STAT3: variants seen among roughly 807,000 people sequenced by gnomAD.
The protein encoded by STAT3 is signal transducer and activator of transcription 3, also known as DNA-binding protein APRF.
A neutral mutation model predicts 114.3 loss-of-function variants in STAT3; 7 were observed. The observed-to-expected ratio is 0.06, with a 90% CI of 0.03 to 0.11. The LOEUF is 0.11. Ranked by LOEUF, STAT3 falls within the 10% of genes least tolerant of loss-of-function variation. STAT3 has a pLI of 1.00. For synonymous variants in STAT3, 331 were observed against 354.5 expected, an observed-to-expected ratio of 0.93 and a Z score of 0.74; for missense variants, 364 against 960.9, an observed-to-expected ratio of 0.38 and a Z score of 8.21.
intron 4 of STAT3, among the ~76,000 whole-genome samples, chr17:42,340,543 A>G (rs4265875): frequency 0.074 from 11,241 of 151,688 alleles, 1,410 homozygotes; most frequent in African/African-American, 0.26. Flanking sequence ...CTAGCTGGGC[A>G]TGGTGGCATA....
chr17:42,331,239 G>T (rs2081997796), intron 11 of STAT3, among the ~76,000 whole-genome samples: 1 of 152,110 alleles, frequency 6.6e-6, no homozygotes, highest in African/African-American at 2.4e-5. Flanking sequence ...AACTAAACAA[G>T]GAAAAGAGGG....
At chr17:42,344,867 G>T (rs1280460448) in intron 4 of STAT3, among the ~76,000 whole-genome samples, 2 of 151,590 alleles carry the variant, frequency 1.3e-5, no homozygotes, top group Non-Finnish European at 2.9e-5. Flanking sequence ...TTTAGGTTTT[G>T]ATATGAGGAT....
chr17:42,318,782 G>A lies in STAT3; in HGVS notation c.2102-1558C>T, dbSNP rs79434203. On this transcript the variant is annotated intron_variant, in intron 21 of 23. Transcript: ENST00000264657. ...AAGAAGGCACTGCAGAGTGGCTCTTGGGCTGCCATCTGAGTTTACTTTGGG... is the reference window on the plus strand; with the variant it reads ...AAGAAGGCACTGCAGAGTGGCTCTTAGGCTGCCATCTGAGTTTACTTTGGG... 3.0e-3 allele frequency among the ~76,000 whole-genome samples: 454 copies of A among 152,290 alleles called. 1 individual carries two copies. Among genetic ancestry groups the A allele is most frequent in the African/African-American group, 0.01 (417 of 41,554 alleles).
intron 8 of STAT3, among the ~76,000 whole-genome samples, chr17:42,336,643 CTATCTT>C (rs1418043305): frequency 6.6e-6 from 1 of 151,948 alleles, no homozygotes; most frequent in African/African-American, 2.4e-5. Context: ...GTATAAATTT[CTATCTT>C]TATGTGTATA....
At chr17:42,354,806 CAAA>C (rs59204136) in intron 1 of STAT3, among the ~76,000 whole-genome samples, 2 of 104,418 alleles carry the variant, frequency 1.9e-5, no homozygotes, top group Admixed American at 9.7e-5. Context: ...GACTCTGTCT[CAAA>C]AAAAAAAAAA....
At chr17:42,370,624 C>CT (rs951549086) in intron 1 of STAT3, among the ~76,000 whole-genome samples, 9 of 150,402 alleles carry the variant, frequency 6.0e-5, no homozygotes, top group Non-Finnish European at 8.9e-5. Flanking sequence ...TCCTGTTTTT[C>CT]TTTTTTTGTT....
chr17:42,364,051 G>A (rs934483626), intron 1 of STAT3, among the ~76,000 whole-genome samples: 8 of 151,908 alleles, frequency 5.3e-5, no homozygotes, highest in East Asian at 3.9e-4. Context: ...TGGCAACCAC[G>A]TACCATCCTG....
intron 4 of STAT3, among the ~76,000 whole-genome samples, chr17:42,342,871 C>A (rs1384041587): frequency 3.3e-5 from 5 of 152,030 alleles, no homozygotes; most frequent in Non-Finnish European, 7.4e-5. Flanking sequence ...CTACACTTCT[C>A]CCAAGAATAC....
At chr17:42,346,485 G>T in intron 3 of STAT3, 84 bp downstream of exon 3, 1 of 1,590,354 alleles carries the variant, frequency 6.3e-7, no homozygotes, top group Non-Finnish European at 8.6e-7. Flanking sequence ...TTAGCCAAAT[G>T]AGAAAAGAGA....
At chr17:42,334,705 G>A (rs902777023) in intron 8 of STAT3, among the ~76,000 whole-genome samples, 1 of 152,012 alleles carries the variant, frequency 6.6e-6, no homozygotes, top group Admixed American at 6.6e-5. Flanking sequence ...TCGACCTCCC[G>A]AAGTACTGGC....
intron 4 of STAT3, among the ~76,000 whole-genome samples, chr17:42,341,314 T>G (rs1391627909): frequency 6.6e-6 from 1 of 152,242 alleles, no homozygotes; most frequent in Admixed American, 6.5e-5. Flanking sequence ...TCCCTCCCTG[T>G]GCCTTGGTCA....
At chr17:42,384,962 G>C (rs1051106370) in intron 1 of STAT3, among the ~76,000 whole-genome samples, 1 of 152,180 alleles carries the variant, frequency 6.6e-6, no homozygotes, top group African/African-American at 2.4e-5. Context: ...TTTCTCTGAA[G>C]ATCTGTAGCA....
rs780713214 is a variant in STAT3, at chr17:42,325,002, C to T, written c.1425G>A (p.Ala475=). The change falls in exon 16 of 24, where the codon GCG becomes GCA. Residue 475 remains alanine (A), a synonymous_variant. Transcript: ENST00000264657. ...SNICQMPNAW[A]SILWYNMLTN... is the part of the protein sequence containing the mutation. ...TCAGCATGTTGTACCACAGGATGGA[C>T]GCCCAGGCATTTGGCATCTGACAGA... 2.1e-5 allele frequency: 34 copies of T among 1,614,090 alleles called. No individual in the cohort carries two copies. Among genetic ancestry groups the T allele is most frequent in the Non-Finnish European group, 2.5e-5 (29 of 1,180,006 alleles).
At chr17:42,325,568 C>CT (rs72322568) in intron 15 of STAT3, among the ~76,000 whole-genome samples, 27,768 of 145,274 alleles carry the variant, frequency 0.19, 2,803 homozygotes, top group East Asian at 0.36. Flanking sequence ...GTTCTAATTT[C>CT]TTTTTTTTTT....
chr17:42,362,270 A>AG (rs2083550308), intron 1 of STAT3, among the ~76,000 whole-genome samples: 1 of 152,250 alleles, frequency 6.6e-6, no homozygotes, highest in Non-Finnish European at 1.5e-5. Flanking sequence ...AAAAGGGTTC[A>AG]GGGTTTGTAC....
chr17:42,316,677 T>C, intron 23 of STAT3, 112 bp downstream of exon 23: 1 of 1,555,184 alleles, frequency 6.4e-7, no homozygotes, highest in Non-Finnish European at 8.7e-7. Context: ...AGCAAAGCTC[T>C]AGAATCTCCT....
In STAT3 at chr17:42,324,480, G is replaced by T. The variant is rs1490089655; in HGVS notation, c.1600+231C>A. On this transcript the variant is annotated intron_variant, in intron 17 of 23. Coordinates refer to ENST00000264657, the MANE Select transcript of STAT3 (RefSeq NM_139276.3). This position sits in a 1 kb window ranked among gnomAD's most constrained non-coding sequence, Gnocchi z 4.5. ...AGTGGGTGAATGAGACAGCAACCAG[G>T]AGAAAAGAAATCTACCTCCCACCTC... Among the ~76,000 whole-genome samples the T allele has an allele frequency of 6.6e-6, 1 of 152,038 alleles. No individual in the cohort carries two copies. The highest frequency in any genetic ancestry group is 2.4e-5 in the African/African-American group (1 of 41,386).
At chr17:42,348,956 C>G (rs1199068316) in intron 1 of STAT3, among the ~76,000 whole-genome samples, 1 of 152,170 alleles carries the variant, frequency 6.6e-6, no homozygotes, top group Non-Finnish European at 1.5e-5. Context: ...ATGGCATGAT[C>G]ATGGGCTCAA....
At chr17:42,345,495 A>G (rs2082655737) in intron 4 of STAT3, 64 bp downstream of exon 4, 3 of 1,326,418 alleles carry the variant, frequency 2.3e-6, no homozygotes, top group Non-Finnish European at 2.1e-6. Context: ...AATTTATCTC[A>G]TTATAAAGTT....
Sources: allele counts gnomAD v4.1 joint callset (sites outside exome capture counted in the v4.1 genomes callset), GRCh38; gene constraint gnomAD v4.1.1; non-coding constraint Gnocchi (gnomAD v3.1); transcripts MANE v1.5; gene names NCBI Gene and HGNC (gene_info 2026-07-23, HGNC 2026-07-21).